KCNN1: variants seen among roughly 807,000 people sequenced by gnomAD.
The protein encoded by KCNN1 is potassium calcium-activated channel subfamily N member 1, also known as small conductance calcium-activated potassium channel protein 1.
Under a neutral mutation model 44.7 loss-of-function variants are expected in KCNN1, and 20 were observed. That is an observed-to-expected ratio of 0.45 (90% CI 0.32 to 0.65). The LOEUF (loss-of-function observed/expected upper bound fraction) is 0.65. KCNN1 is among the 30% of genes least tolerant of loss of function. The probability of loss-of-function intolerance (pLI) is 0.05; values close to 1 mark genes in which losing one functional copy is unlikely to be tolerated. For synonymous variants in KCNN1, 324 were observed against 341.7 expected (o/e 0.95, Z 0.57); for missense variants, 632 against 785.3 (o/e 0.80, Z 2.33).
chr19:17,989,263 G>A (rs550397743), intron 6 of KCNN1, among the ~76,000 whole-genome samples: 28 of 152,246 alleles, frequency 1.8e-4, no homozygotes, highest in African/African-American at 6.5e-4. Context: ...TTCAAAACCA[G>A]CCTGGCCAAC....
chr19:17,981,532 A>G (rs947534034), intron 3 of KCNN1, among the ~76,000 whole-genome samples, 177 bp from the exon 4 acceptor site: 3 of 150,432 alleles, frequency 2.0e-5, no homozygotes, highest in African/African-American at 7.4e-5. Context: ...AGCCTGGGCG[A>G]TAAGAGCAAA....
intron 3 of KCNN1, among the ~76,000 whole-genome samples, chr19:17,977,766 G>T (rs2032253810): frequency 1.3e-5 from 2 of 152,090 alleles, no homozygotes; most frequent in Non-Finnish European, 2.9e-5. Flanking sequence ...GGTACTAGAG[G>T]TCAGGATGCC....
intron 7 of KCNN1, among the ~76,000 whole-genome samples, chr19:17,992,108 G>T (rs2032814617): frequency 6.6e-6 from 1 of 152,194 alleles, no homozygotes; most frequent in African/African-American, 2.4e-5. Context: ...ATCATTTGAG[G>T]TCAGGAGTTC....
intron 5 of KCNN1, 23 bp downstream of exon 5, chr19:17,985,476 A>G: frequency 6.5e-7 from 1 of 1,547,904 alleles, no homozygotes. Flanking sequence ...GTCCATGTGT[A>G]TGATCCTGGG....
intron 1 of KCNN1, chr19:17,952,261 G>T (rs1268567190): frequency 6.6e-6 from 1 of 152,042 alleles, no homozygotes; most frequent in Non-Finnish European, 1.5e-5. Context: ...CGGCTCACAC[G>T]CCCTTGCCCG....
chr19:17,973,124 T>C (rs2032080311), intron 1 of KCNN1, among the ~76,000 whole-genome samples: 1 of 152,054 alleles, frequency 6.6e-6, no homozygotes, highest in Non-Finnish European at 1.5e-5. Flanking sequence ...AGTTTGGTGT[T>C]TTATTTGTTT....
At chr19:17,953,012 T>G (rs1568442680) in intron 1 of KCNN1, among the ~76,000 whole-genome samples, 1 of 152,128 alleles carries the variant, frequency 6.6e-6, no homozygotes, top group Non-Finnish European at 1.5e-5. Flanking sequence ...CGCCGCCGTT[T>G]AACCCTGAGC....
intron 3 of KCNN1, among the ~76,000 whole-genome samples, chr19:17,978,611 C>T (rs780430236): frequency 1.3e-5 from 2 of 151,110 alleles, no homozygotes; most frequent in South Asian, 2.1e-4. Flanking sequence ...CTTATATATA[C>T]AGATATATAA....
rs1022718846 is a variant in KCNN1 at position 17,999,605 on chromosome 19, G to T, written c.*1199G>T. The stretch of plus-strand genomic sequence containing the variant: ...CAGGGGTCAGAGAGACCCTTCAGGG[G>T]TGGGCTACAGGGGAGGGTTCCAGAC... On this transcript the variant is annotated 3_prime_UTR_variant, in exon 10 of 10. Transcript: ENST00000684775. 1 of 183,218 alleles carries T rather than the reference G, an allele frequency of 5.5e-6. No homozygotes were observed. The highest frequency in any genetic ancestry group is 1.2e-5 in the Non-Finnish European group (1 of 84,772). 11.3% of individuals were successfully genotyped at this position (183,218 alleles called of 1,614,324 possible). A position where few individuals can be genotyped will look rare whatever the true frequency, so the allele number is the denominator to read the frequency against.
intron 5 of KCNN1, among the ~76,000 whole-genome samples, chr19:17,987,585 C>G (rs1159060614): frequency 1.3e-5 from 2 of 152,134 alleles, no homozygotes; most frequent in Admixed American, 1.3e-4. Flanking sequence ...TGAGAACAGG[C>G]TTCTGGGTCC....
rs1481520508 is a variant in KCNN1, at chr19:17,993,538, C to G, written c.1356C>G (p.Asn452Lys). 1.2e-6 allele frequency: 2 copies of G among 1,613,786 alleles called. No individual in the cohort carries two copies. The highest frequency in any genetic ancestry group is 1.7e-6 in the Non-Finnish European group (2 of 1,179,854). ...AAGGGAAGCTGAACGACCAGGCTAA[C>G]ACGCTTACCGACCTAGCCAAGGTGA... Reference protein sequence around the residue: ...IEQGKLNDQANTLTDLAKTQT... With the variant: ...IEQGKLNDQAKTLTDLAKTQT... The change falls in exon 9 of 10, where the codon AAC becomes AAG. Residue 452 changes from asparagine (N) to lysine (K), a missense_variant. Physicochemically the swap from Asn to Lys is moderately conservative, Grantham distance 94 (BLOSUM62 0). Around this residue, in one of 3 missense-constraint regions of KCNN1, gnomAD observed 237 missense variants for 253.0 expected, o/e 0.94. Coordinates refer to ENST00000684775, the MANE Select transcript of KCNN1 (RefSeq NM_001386974.1). This position sits in a 1 kb window ranked among gnomAD's most constrained non-coding sequence, Gnocchi z 4.5.
intron 5 of KCNN1, among the ~76,000 whole-genome samples, chr19:17,987,869 G>A (rs542391656): frequency 2.0e-5 from 3 of 147,592 alleles, no homozygotes; most frequent in South Asian, 4.3e-4. Context: ...AGGGCCAGGC[G>A]CAGTGGCTTA....
In KCNN1 at chr19:17,998,119, C is replaced by T. The variant is rs373961697; in HGVS notation, c.1378-33C>T. The T allele has an allele frequency of 3.6e-5, 56 of 1,541,406 alleles. No individual in the cohort carries two copies. The highest frequency in any genetic ancestry group is 2.8e-4 in the South Asian group (23 of 81,258). ...CGTCCTTTCCTCTCTCACTCAGCGG[C>T]GCCTCTCTCCTGCCCCTCTCTGTCT... On this transcript the variant is annotated intron_variant, in intron 9 of 9. Coordinates refer to ENST00000684775, the MANE Select transcript of KCNN1 (RefSeq NM_001386974.1). This position sits in a 1 kb window ranked among gnomAD's most constrained non-coding sequence, Gnocchi z 5.4.
chr19:17,955,913 T>C (rs2031533533), intron 2 of KCNN1, among the ~76,000 whole-genome samples: 1 of 151,572 alleles, frequency 6.6e-6, no homozygotes, highest in Admixed American at 6.6e-5. Context: ...TTTTTTTTTT[T>C]AGTTTTGTTT....
intron 2 of KCNN1, among the ~76,000 whole-genome samples, chr19:17,961,575 TTTCTTTCTTTC>T (rs1274347499): frequency 1.3e-4 from 10 of 78,372 alleles, no homozygotes; most frequent in Admixed American, 8.7e-4. Flanking sequence ...TCTTTCTTTC[TTTCTTTCTTTC>T]TTTTTTTTTT....
intron 3 of KCNN1, among the ~76,000 whole-genome samples, chr19:17,976,473 A>G (rs527447664): frequency 7.5e-4 from 113 of 151,130 alleles, no homozygotes; most frequent in African/African-American, 2.4e-3. Flanking sequence ...GCTGGAGTGC[A>G]ATGGCACGAT....
At chr19:17,970,845 G>A (rs998439879) in intron 1 of KCNN1, among the ~76,000 whole-genome samples, 15 of 152,056 alleles carry the variant, frequency 9.9e-5, no homozygotes, top group African/African-American at 2.7e-4. Context: ...CAATGTGTGC[G>A]GCAGCCAAAG....
intron 3 of KCNN1, among the ~76,000 whole-genome samples, chr19:17,975,566 G>A (rs1016398977): frequency 1.3e-5 from 2 of 151,778 alleles, no homozygotes; most frequent in African/African-American, 4.8e-5. Flanking sequence ...GATTACAGGC[G>A]CATGGCACCA....
intron 3 of KCNN1, among the ~76,000 whole-genome samples, chr19:17,980,925 G>A (rs1206978455): frequency 4.6e-5 from 7 of 151,810 alleles, no homozygotes; most frequent in Non-Finnish European, 1.5e-5. Context: ...AAAAAGAAAA[G>A]AAAAATCCTC....
Sources: gnomAD v4.1 joint callset for allele counts (sites outside exome capture counted in the v4.1 genomes callset) on GRCh38, gnomAD v4.1.1 for gene constraint, gnomAD v4.1.1 regional missense constraint, Gnocchi (gnomAD v3.1) non-coding constraint, MANE v1.5 for transcripts, NCBI Gene and HGNC (gene_info 2026-07-23, HGNC 2026-07-21) for gene names.